RBBP8NL: variants seen among roughly 807,000 people sequenced by gnomAD.
The protein encoded by RBBP8NL is RBBP8 N-terminal like.
Under a neutral mutation model 62.2 loss-of-function variants are expected in RBBP8NL, and 59 were observed. The ratio of observed to expected loss-of-function variants is 0.95; its 90% CI spans 0.77 to 1.18. RBBP8NL has a LOEUF of 1.18. RBBP8NL is among the 50% of genes most tolerant of loss of function. The probability of loss-of-function intolerance (pLI) is 0.00; values close to 1 mark genes in which losing one functional copy is unlikely to be tolerated. For missense variants in RBBP8NL, 896 were observed against 899.5 expected (o/e 1.00, Z 0.05); for synonymous variants, 412 against 394.1 (o/e 1.05, Z -0.54).
intron 5 of RBBP8NL, 46 bp from the exon 6 acceptor site, chr20:62,416,282 C>CGGGGGGGGGGGGGGGG: frequency 4.7e-6 from 1 of 214,800 alleles, no homozygotes; most frequent in Non-Finnish European, 9.2e-6. Flanking sequence ...TTGGGGGGGA[C>CGGGGGGGGGGGGGGGG]AGGGGCAGGG....
chr20:62,415,729 G>T (rs1162624544), intron 7 of RBBP8NL, 59 bp downstream of exon 7: 5 of 1,607,970 alleles, frequency 3.1e-6, no homozygotes, highest in African/African-American at 1.3e-5. Context: ...AGCCCCAGGG[G>T]GAGGATCCCT....
At chr20:62,418,523 G>A in intron 2 of RBBP8NL, 58 bp from the exon 3 acceptor site, 1 of 1,477,972 alleles carries the variant, frequency 6.8e-7, no homozygotes, top group African/African-American at 1.4e-5. Flanking sequence ...CACCTTCAGT[G>A]TCCCCACCAC....
rs61730375 is a variant in RBBP8NL, at chr20:62,419,672, C to T, written c.-25G>A. On this transcript the variant is annotated 5_prime_UTR_variant, in exon 2 of 14. Coordinates refer to ENST00000252998, the MANE Select transcript of RBBP8NL (RefSeq NM_080833.3). ...TGGCTCCCTGTGGCCCTGGCCCGGG[C>T]CCCTCTGCGCTGGGGTTGTGGAGAC... The T allele has an allele frequency of 5.7e-3, 9,147 of 1,611,748 alleles. 210 individuals are homozygous for T. The African/African-American group carries it at 0.072, about 13-fold the overall frequency.
At chr20:62,411,722 G>A (rs1176555031) in intron 13 of RBBP8NL, among the ~76,000 whole-genome samples, 2 of 152,242 alleles carry the variant, frequency 1.3e-5, no homozygotes, top group Non-Finnish European at 2.9e-5. Context: ...CCCTGCCAGC[G>A]TCCCTGGTCC....
intron 1 of RBBP8NL, among the ~76,000 whole-genome samples, chr20:62,422,342 G>A (rs1408828252): frequency 3.3e-5 from 5 of 151,774 alleles, no homozygotes; most frequent in African/African-American, 9.7e-5. Flanking sequence ...TATGGTGGCC[G>A]CCCAGCCCCA....
chr20:62,413,751 G>T, intron 10 of RBBP8NL, 70 bp downstream of exon 10: 4 of 1,507,632 alleles, frequency 2.7e-6, no homozygotes, highest in East Asian at 2.3e-5. Flanking sequence ...CGAGGTCTGG[G>T]GGGAGGCCGG....
intron 1 of RBBP8NL, among the ~76,000 whole-genome samples, chr20:62,424,785 T>C (rs2427333): frequency 0.67 from 102,439 of 151,866 alleles, 34,662 homozygotes; most frequent in African/African-American, 0.75. Context: ...CTCCACCCAC[T>C]CTCCCAGGGC....
chr20:62,422,559 C>T (rs1241485061), intron 1 of RBBP8NL, among the ~76,000 whole-genome samples: 86 of 8,220 alleles, frequency 0.01, no homozygotes, highest in African/African-American at 0.026. Context: ...GGGGTGGGGA[C>T]GGGGACTGGG....
rs918129796 is a variant in RBBP8NL, at chr20:62,416,754, G to A, written c.313+6C>T. 12 of 1,566,310 alleles carry A rather than the reference G, an allele frequency of 7.7e-6. 1 individual carries two copies. The African/African-American group carries it at 1.2e-4, about 16-fold the overall frequency. ...GGACCCCGGTTGTCTGGTGGGTGGG[G>A]CTCACTGAGGATGAAGATGCGCTGC... On this transcript the variant is annotated splice_donor_region_variant and intron_variant, in intron 5 of 13. Coordinates refer to ENST00000252998, the MANE Select transcript of RBBP8NL (RefSeq NM_080833.3).
At chr20:62,413,209 G>A (rs1988474896) in intron 11 of RBBP8NL, among the ~76,000 whole-genome samples, 192 bp downstream of exon 11, 1 of 152,262 alleles carries the variant, frequency 6.6e-6, no homozygotes, top group African/African-American at 2.4e-5. Flanking sequence ...AGAGGCTCCT[G>A]CCAGGCCCTC....
rs1382360029 is a variant in RBBP8NL at position 62,410,964 on chromosome 20, G to A, written c.1909C>T (p.Leu637=). ...CTCCCGGGCCCCTCAGTGGCTGTCA[G>A]TTTCCTTCTCCCTCTGGATGGCTTT... ...SKKPSRGRRK[L]TATEGPGSPR... Residue 637 remains leucine, a synonymous_variant, in exon 14 of 14, where the codon CTG becomes TTG. Coordinates refer to ENST00000252998, the MANE Select transcript of RBBP8NL (RefSeq NM_080833.3). 1.9e-6 allele frequency: 3 copies of A among 1,613,388 alleles called. No individual in the cohort carries two copies. Among genetic ancestry groups the A allele is most frequent in the East Asian group, 2.2e-5 (1 of 44,896 alleles).
intron 8 of RBBP8NL, 136 bp from the exon 9 acceptor site, chr20:62,415,423 C>T (rs1327726945): frequency 3.7e-5 from 51 of 1,367,848 alleles, no homozygotes; most frequent in Non-Finnish European, 5.1e-5. Context: ...CCCACCCACG[C>T]CAAATGGAGC....
rs545297438 is a variant in RBBP8NL at position 62,418,461 on chromosome 20, C to T, written c.66G>A (p.Leu22=). The T allele has an allele frequency of 3.1e-5, 48 of 1,550,282 alleles. No individual in the cohort carries two copies. In the African/African-American group the frequency reaches 5.7e-4, roughly 19 times the overall value. ...KEIHEKEVLG[L]QNKLLELNSE... ...AGTTCAGTTCCAGAAGCTTGTTCTG[C>T]AGGCCTGGGGGAGCAAGCAGAGGGG... Residue 22 remains leucine (L), a synonymous_variant, in exon 3 of 14, where the codon CTG becomes CTA. Transcript: ENST00000252998.
rs564079274 is a variant in RBBP8NL, at chr20:62,412,734, G to C, written c.1766C>G (p.Ala589Gly). ...CCCGGTCGTGCTCGTAGTGGCCTCC[G>C]CCTGGGAGCTCAGGCCCACCTGGGG... ...PGSEVGLSSQ[A>G]EATTSTTGEG... Residue 589 changes from alanine to glycine, a missense_variant, in exon 13 of 14, where the codon GCG becomes GGG. Coordinates refer to ENST00000252998, the MANE Select transcript of RBBP8NL (RefSeq NM_080833.3). 8.1e-6 allele frequency: 13 copies of C among 1,611,792 alleles called. No individual in the cohort carries two copies. Among genetic ancestry groups the C allele is most frequent in the African/African-American group, 2.7e-5 (2 of 74,948 alleles).
rs150734075 is a variant in RBBP8NL, at chr20:62,412,660, G to A, written c.1840C>T (p.Arg614Trp). 1.1e-5 allele frequency: 17 copies of A among 1,607,360 alleles called. No homozygotes were observed. The African/African-American group carries it at 1.1e-4, about 10-fold the overall frequency. Residue 614 changes from arginine (R) to tryptophan (W), a missense_variant, in exon 13 of 14, where the codon CGG becomes TGG. By Grantham distance (101) the Arg-to-Trp change is moderately radical. Transcript: ENST00000252998. ...GGCTCCGAGGCCCGCTTCCTCTTCC[G>A]TGGTGGACCCTGCCCGTGCTCCTGG... ...CTQEHGQGPP[R>W]KRKRASEPGD...
rs1988504850 is a variant in RBBP8NL, at chr20:62,414,147, T to C, written c.1204A>G (p.Thr402Ala). The change falls in exon 10 of 14, where the codon ACC becomes GCC. Residue 402 changes from threonine (T) to alanine (A), a missense_variant. Transcript: ENST00000252998. ...CCTGCTGCGGCCAGAGCTGCCCTGG[T>C]CCCCTCATTCTCAGGGCCCTCAGAG... The part of the protein sequence containing the change: ...SDSEGPENEG[T>A]RAALAAAGLS... 1 of 1,605,390 alleles carries C rather than the reference T, an allele frequency of 6.2e-7. No individual in the cohort carries two copies. The highest frequency in any genetic ancestry group is 1.7e-5 in the Admixed American group (1 of 59,284).
intron 4 of RBBP8NL, 127 bp downstream of exon 4, chr20:62,417,097 G>T: frequency 1.3e-6 from 1 of 763,718 alleles, no homozygotes; most frequent in Non-Finnish European, 2.1e-6. Context: ...GTCCTGCAGT[G>T]GGGAAACCTT....
At chr20:62,425,979 A>G (rs1988795011) in intron 1 of RBBP8NL, among the ~76,000 whole-genome samples, 1 of 150,946 alleles carries the variant, frequency 6.6e-6, no homozygotes, top group Non-Finnish European at 1.5e-5. Context: ...TGGCAGTGGC[A>G]GTAGCAGTGG....
intron 9 of RBBP8NL, 47 bp from the exon 10 acceptor site, chr20:62,414,603 A>T: frequency 1.4e-6 from 2 of 1,383,788 alleles, no homozygotes; most frequent in Non-Finnish European, 9.4e-7. Flanking sequence ...TGGAGCCGTG[A>T]CCGTCCCAGC....
Sources: allele counts gnomAD v4.1 joint callset (sites outside exome capture counted in the v4.1 genomes callset), GRCh38; gene constraint gnomAD v4.1.1; transcripts MANE v1.5; gene names NCBI Gene and HGNC (gene_info 2026-07-23, HGNC 2026-07-21).